LUZP2: variants seen among roughly 807,000 people sequenced by gnomAD.
LUZP2 encodes the protein leucine zipper protein 2.
LUZP2 carries 52 observed loss-of-function variants against 51.6 expected under a neutral mutation model. The ratio of observed to expected loss-of-function variants is 1.01; its 90% CI spans 0.81 to 1.27. The LOEUF is 1.27. LUZP2 is among the 50% of genes most tolerant of loss of function. LUZP2 has a pLI of 0.00. For synonymous variants in LUZP2, 154 were observed against 137.3 expected (o/e 1.12, Z -0.85); for missense variants, 436 against 395.4 (o/e 1.10, Z -0.87).
chr11:24,863,337 G>A (rs968527925), intron 5 of LUZP2, among the ~76,000 whole-genome samples: 1 of 152,112 alleles, frequency 6.6e-6, no homozygotes, highest in African/African-American at 2.4e-5. Flanking sequence ...CAAGCAAAAT[G>A]TTGTTTGTCC....
chr11:24,780,219 TATTA>T (rs1849050014), intron 5 of LUZP2, among the ~76,000 whole-genome samples: 1 of 152,186 alleles, frequency 6.6e-6, no homozygotes, highest in African/African-American at 2.4e-5. Context: ...CATTTCCAGC[TATTA>T]ATTCTGAAAC....
intron 5 of LUZP2, among the ~76,000 whole-genome samples, chr11:24,859,727 C>T (rs905067863): frequency 2.0e-5 from 3 of 152,228 alleles, no homozygotes; most frequent in Admixed American, 1.3e-4. Context: ...GGCAGCCCAC[C>T]TGCGAGCCAC....
intron 8 of LUZP2, among the ~76,000 whole-genome samples, chr11:24,978,038 T>G (rs957076407): frequency 6.6e-6 from 1 of 151,576 alleles, no homozygotes; most frequent in Non-Finnish European, 1.5e-5. Flanking sequence ...TATTTTGCAA[T>G]AGTACACTGT....
chr11:24,878,902 G>A (rs928895835), intron 5 of LUZP2, among the ~76,000 whole-genome samples: 1 of 151,814 alleles, frequency 6.6e-6, no homozygotes, highest in African/African-American at 2.4e-5. Flanking sequence ...TAGTCGCTGA[G>A]GATGATAGCT....
At chr11:25,001,983 G>T (rs951560971) in intron 9 of LUZP2, among the ~76,000 whole-genome samples, 16 of 152,094 alleles carry the variant, frequency 1.1e-4, no homozygotes, top group African/African-American at 3.9e-4. Context: ...TTGGGTTTTT[G>T]CACTGAGTGC....
intron 5 of LUZP2, among the ~76,000 whole-genome samples, chr11:24,862,186 T>C (rs1851761913): frequency 6.6e-6 from 1 of 152,120 alleles, no homozygotes; most frequent in Admixed American, 6.6e-5. Context: ...CCCATCAGAC[T>C]AACAGCAGAC....
At chr11:24,539,470 A>T (rs1851287970) in intron 1 of LUZP2, among the ~76,000 whole-genome samples, 1 of 151,976 alleles carries the variant, frequency 6.6e-6, no homozygotes, top group East Asian at 1.9e-4. Context: ...CTAAGTACAG[A>T]TGTGTAAGGC....
intron 1 of LUZP2, among the ~76,000 whole-genome samples, chr11:24,617,003 G>T (rs1470715566): frequency 6.6e-6 from 1 of 152,100 alleles, no homozygotes; most frequent in Non-Finnish European, 1.5e-5. Context: ...TATAAACATT[G>T]ATTAGTTCCT....
chr11:24,595,807 A>T (rs985006535), intron 1 of LUZP2, among the ~76,000 whole-genome samples: 2 of 152,086 alleles, frequency 1.3e-5, no homozygotes, highest in Non-Finnish European at 2.9e-5. Context: ...TAAGCCAGTC[A>T]ATATTTATTG....
chr11:24,775,099 C>A (rs945012343), intron 5 of LUZP2, among the ~76,000 whole-genome samples: 1 of 151,662 alleles, frequency 6.6e-6, no homozygotes, highest in East Asian at 1.9e-4. Flanking sequence ...TACAATATAA[C>A]CTGGAAAGGG....
At chr11:24,582,052 T>A (rs923791720) in intron 1 of LUZP2, among the ~76,000 whole-genome samples, 8 of 152,160 alleles carry the variant, frequency 5.3e-5, no homozygotes, top group Non-Finnish European at 1.0e-4. Flanking sequence ...TCATTTCATT[T>A]TGGGCGATAC....
At chr11:24,938,464 T>A (rs1590753112) in intron 7 of LUZP2, among the ~76,000 whole-genome samples, 1 of 152,190 alleles carries the variant, frequency 6.6e-6, no homozygotes, top group Middle Eastern at 3.2e-3. Flanking sequence ...TATAATAATT[T>A]GGTTTTATAC....
chr11:25,047,964 G>A (rs552131833), intron 9 of LUZP2, among the ~76,000 whole-genome samples: 1 of 105,694 alleles, frequency 9.5e-6, no homozygotes, highest in South Asian at 4.2e-4. Flanking sequence ...GATTATAGGT[G>A]TAAACTACCA....
At chr11:24,715,889 A>G (rs939591833) in intron 1 of LUZP2, among the ~76,000 whole-genome samples, 5 of 152,184 alleles carry the variant, frequency 3.3e-5, no homozygotes, top group African/African-American at 1.2e-4. Flanking sequence ...GAGGGACTGC[A>G]TAATCTAGTA....
intron 5 of LUZP2, among the ~76,000 whole-genome samples, chr11:24,871,581 C>A (rs1852074375): frequency 6.6e-6 from 1 of 152,012 alleles, no homozygotes; most frequent in African/African-American, 2.4e-5. Flanking sequence ...TCTGGTCTAC[C>A]TCTGAAGACT....
rs145214630 is a variant in LUZP2 at position 24,559,476 on chromosome 11, T to G, written c.62+62171T>G. The stretch of plus-strand genomic sequence containing the variant: ...CCTTGCTCATAAATATTCTCCCTTT[T>G]ATGACTACCAATAAAGAGAGCAAGT... On this transcript the variant is annotated intron_variant, in intron 1 of 11. Coordinates refer to ENST00000336930, the MANE Select transcript of LUZP2 (RefSeq NM_001009909.4). 4.5e-3 allele frequency among the ~76,000 whole-genome samples: 685 copies of G among 152,294 alleles called. 6 individuals carry two copies. The highest frequency in any genetic ancestry group is 0.011 in the South Asian group (51 of 4,830).
chr11:24,825,069 G>A (rs1850483272), intron 5 of LUZP2, among the ~76,000 whole-genome samples: 1 of 152,038 alleles, frequency 6.6e-6, no homozygotes, highest in Non-Finnish European at 1.5e-5. Flanking sequence ...TGTACACTAT[G>A]TGTAAACACA....
At chr11:24,762,667 T>C (rs974192170) in intron 4 of LUZP2, among the ~76,000 whole-genome samples, 2 of 152,130 alleles carry the variant, frequency 1.3e-5, no homozygotes, top group African/African-American at 4.8e-5. Flanking sequence ...TATACTACCA[T>C]TTTTTACAAA....
In LUZP2 at chr11:24,787,764, C is replaced by A. The variant is rs115865223; in HGVS notation, c.396+24456C>A. Among the ~76,000 whole-genome samples the A allele has an allele frequency of 2.9e-3, 444 of 152,198 alleles. 4 individuals carry two copies. The highest frequency in any genetic ancestry group is 1.0e-2 in the African/African-American group (415 of 41,514). ...ATATATAATAGTTGTTCTTGTAATT[C>A]ACAAAGCTAGGTCATCAATGCAATA... On this transcript the variant is annotated intron_variant, in intron 5 of 11. Transcript: ENST00000336930.
Sources: gnomAD v4.1 joint callset for allele counts (sites outside exome capture counted in the v4.1 genomes callset) on GRCh38, gnomAD v4.1.1 for gene constraint, MANE v1.5 for transcripts, NCBI Gene and HGNC (gene_info 2026-07-23, HGNC 2026-07-21) for gene names.